The following WAPL variants were observed in gnomAD, a reference collection of about 807,000 sequenced individuals.
The protein encoded by WAPL is wings apart-like protein homolog.
WAPL carries 5 observed loss-of-function variants against 121.0 expected under a neutral mutation model. The observed-to-expected ratio is 0.04, with a 90% CI of 0.02 to 0.09. WAPL has a LOEUF of 0.09. Among genes scored for constraint, WAPL ranks in the 10% least tolerant of loss-of-function variants. The pLI, the probability that WAPL is intolerant of heterozygous loss-of-function variation, is 1.00. For synonymous variants in WAPL, 480 were observed against 481.5 expected (o/e 1.00, Z 0.04); for missense variants, 999 against 1,410.8 (o/e 0.71, Z 4.68).
At chr10:86,486,959 C>G (rs961746337) in intron 4 of WAPL, among the ~76,000 whole-genome samples, 1 of 151,338 alleles carries the variant, frequency 6.6e-6, no homozygotes, top group Admixed American at 6.6e-5. Context: ...CCTGTCTCAA[C>G]AACAAAAAAA....
intron 2 of WAPL, among the ~76,000 whole-genome samples, chr10:86,507,930 C>T (rs1157864798): frequency 6.6e-6 from 1 of 152,138 alleles, no homozygotes; most frequent in Non-Finnish European, 1.5e-5. Flanking sequence ...AATTCCCTTG[C>T]TTCTCTATCT....
intron 17 of WAPL, among the ~76,000 whole-genome samples, chr10:86,440,114 C>G (rs752269497): frequency 6.6e-6 from 1 of 152,048 alleles, no homozygotes. Context: ...AAGATAGATA[C>G]AGGCAAACAC....
chr10:86,478,749 A>T (rs966078363), intron 4 of WAPL, among the ~76,000 whole-genome samples: 4 of 152,184 alleles, frequency 2.6e-5, no homozygotes, highest in Non-Finnish European at 4.4e-5. Context: ...TTTTTACAAT[A>T]ACACCACAAA....
chr10:86,496,374 C>G (rs553031928), intron 4 of WAPL, among the ~76,000 whole-genome samples: 4 of 152,244 alleles, frequency 2.6e-5, no homozygotes, highest in African/African-American at 9.6e-5. Context: ...CCACAGAGAA[C>G]AGTTTGGCAG....
intron 4 of WAPL, among the ~76,000 whole-genome samples, chr10:86,486,106 T>C (rs931845054): frequency 2.0e-5 from 3 of 152,186 alleles, no homozygotes; most frequent in Non-Finnish European, 2.9e-5. Flanking sequence ...TTCATATCAA[T>C]TAATATATCA....
At chr10:86,513,438 AG>A (rs1417177740) in intron 2 of WAPL, among the ~76,000 whole-genome samples, 1 of 120 alleles carries the variant, frequency 8.3e-3, no homozygotes, top group Non-Finnish European at 0.012. Context: ...GGGTTCAAGC[AG>A]TTCCCGCCTC....
At chr10:86,455,418 A>C (rs1554826946) in intron 12 of WAPL, among the ~76,000 whole-genome samples, 1 of 152,092 alleles carries the variant, frequency 6.6e-6, no homozygotes, top group Non-Finnish European at 1.5e-5. Flanking sequence ...TGCTGTGTCC[A>C]CTCAGGGTTA....
intron 4 of WAPL, among the ~76,000 whole-genome samples, chr10:86,488,280 C>T (rs906280251): frequency 2.0e-5 from 3 of 152,022 alleles, no homozygotes; most frequent in Admixed American, 6.5e-5. Flanking sequence ...TCAGAGAGGG[C>T]CTAGAAGCAA....
intron 9 of WAPL, among the ~76,000 whole-genome samples, chr10:86,462,222 CAA>C (rs1841294107): frequency 6.6e-6 from 1 of 152,182 alleles, no homozygotes; most frequent in East Asian, 1.9e-4. Flanking sequence ...CTTTAACTAG[CAA>C]AGACTGACAA....
intron 2 of WAPL, among the ~76,000 whole-genome samples, chr10:86,501,248 TTC>T (rs1842241489): frequency 6.6e-6 from 1 of 152,198 alleles, no homozygotes; most frequent in African/African-American, 2.4e-5. Flanking sequence ...GCTATTTCTG[TTC>T]TTTCTTCTAA....
At chr10:86,469,594 T>C (rs1841488292) in intron 8 of WAPL, among the ~76,000 whole-genome samples, 2 of 151,966 alleles carry the variant, frequency 1.3e-5, no homozygotes, top group African/African-American at 4.8e-5. Context: ...GAAGGTGAAA[T>C]ATTTTAGATA....
At chr10:86,510,280 G>A (rs1564589415) in intron 2 of WAPL, among the ~76,000 whole-genome samples, 1 of 151,824 alleles carries the variant, frequency 6.6e-6, no homozygotes, top group Non-Finnish European at 1.5e-5. Context: ...TCACCATGTT[G>A]GTCAGGCTGG....
Position 86,438,029 on chromosome 10 carries a change from G to A in WAPL, c.3412-14C>T. 6.3e-7 allele frequency: 1 copy of A among 1,593,040 alleles called. No individual in the cohort carries two copies. Among genetic ancestry groups the A allele is most frequent in the Non-Finnish European group, 8.6e-7 (1 of 1,163,746 alleles). The stretch of plus-strand genomic sequence containing the variant: ...GGTTACATTGATCTGAGGAAACAGA[G>A]CAAGAAATATTGGTCAGCTGGCAGA... On this transcript the variant is annotated splice_polypyrimidine_tract_variant and intron_variant, in intron 17 of 18. Transcript: ENST00000298767.
At chr10:86,454,754 C>T (rs1589499566) in intron 12 of WAPL, among the ~76,000 whole-genome samples, 4 of 151,334 alleles carry the variant, frequency 2.6e-5, no homozygotes, top group East Asian at 2.0e-4. Flanking sequence ...TGAGGAGTGC[C>T]TCTTCCCAGC....
chr10:86,443,577 T>C lies in WAPL; in HGVS notation c.3323-214A>G, dbSNP rs973521733. ...AACCATAAAACTTTTAGTTAAAATT[T>C]TTGTGTTGCAAAGGACACAATTAAC... On this transcript the variant is annotated intron_variant, in intron 16 of 18. Coordinates refer to ENST00000298767, the MANE Select transcript of WAPL (RefSeq NM_015045.5). 1.5e-5 allele frequency: 7 copies of C among 476,222 alleles called. No individual in the cohort carries two copies. The Admixed American group carries it at 1.5e-4, about 10-fold the overall frequency. The allele number at this position is 476,222 out of a possible 1,614,324, so 29.5% of individuals were successfully genotyped here. A position where few individuals can be genotyped will look rare whatever the true frequency, so the allele number is the denominator to read the frequency against.
intron 2 of WAPL, among the ~76,000 whole-genome samples, chr10:86,512,594 T>C (rs1027665394): frequency 1.3e-5 from 2 of 152,246 alleles, no homozygotes; most frequent in Non-Finnish European, 2.9e-5. Flanking sequence ...GGTGGACCTT[T>C]AGCTCCTGCT....
intron 4 of WAPL, among the ~76,000 whole-genome samples, chr10:86,496,886 T>TGG (rs138604710): frequency 6.5e-5 from 9 of 138,876 alleles, no homozygotes; most frequent in Non-Finnish European, 8.3e-5. Context: ...AGGTGTGCAG[T>TGG]GGGGGAGGAA....
intron 4 of WAPL, among the ~76,000 whole-genome samples, chr10:86,483,265 A>C (rs1211219255): frequency 1.3e-5 from 2 of 152,130 alleles, no homozygotes; most frequent in East Asian, 3.9e-4. Context: ...TATGAAAAAT[A>C]CAAAATTGGC....
At chr10:86,440,917 T>C (rs948428991) in intron 17 of WAPL, among the ~76,000 whole-genome samples, 5 of 145,052 alleles carry the variant, frequency 3.4e-5, no homozygotes, top group Admixed American at 2.1e-4. Context: ...AAGAATTAGA[T>C]GGCTAAAGTA....
Sources: gnomAD v4.1 joint callset for allele counts (sites outside exome capture counted in the v4.1 genomes callset) on GRCh38, gnomAD v4.1.1 for gene constraint, MANE v1.5 for transcripts, NCBI Gene and HGNC (gene_info 2026-07-23, HGNC 2026-07-21) for gene names.